The following KDM6A variants were observed in gnomAD, a reference collection of about 807,000 sequenced individuals.
The protein encoded by KDM6A is lysine demethylase 6A.
KDM6A carries 11 observed loss-of-function variants against 117.6 expected under a neutral mutation model. The ratio of observed to expected loss-of-function variants is 0.09; its 90% CI spans 0.06 to 0.15. The LOEUF is 0.15. Among genes scored for constraint, KDM6A ranks in the 10% least tolerant of loss-of-function variants. KDM6A has a pLI of 1.00. For synonymous variants in KDM6A, 384 were observed against 396.1 expected, an observed-to-expected ratio of 0.97 and a Z score of 0.36; for missense variants, 799 against 1,077.3, an observed-to-expected ratio of 0.74 and a Z score of 3.62.
intron 2 of KDM6A, among the ~76,000 whole-genome samples, chrX:44,941,099 CTG>C (rs1180780412): frequency 9.0e-6 from 1 of 111,484 alleles, no homozygotes; most frequent in East Asian, 2.8e-4. Context: ...AACTTTTTAA[CTG>C]TTTTATTGAG....
intron 2 of KDM6A, among the ~76,000 whole-genome samples, chrX:44,892,287 G>A (rs1173733520): frequency 8.9e-6 from 1 of 112,112 alleles, no homozygotes. Flanking sequence ...GGCCGGGTAC[G>A]GTGGCTCACG....
intron 2 of KDM6A, among the ~76,000 whole-genome samples, chrX:44,915,315 C>G (rs930706568): frequency 8.9e-6 from 1 of 112,180 alleles, no homozygotes; most frequent in African/African-American, 3.2e-5. Context: ...TGACATCCCT[C>G]TGTTCCAATG....
chrX:44,985,300 G>T (rs1335610260), intron 4 of KDM6A, among the ~76,000 whole-genome samples: 1 of 111,833 alleles, frequency 8.9e-6, no homozygotes, highest in African/African-American at 3.3e-5. Context: ...AGCTTAAGGA[G>T]ATTTTGGGCT....
intron 4 of KDM6A, among the ~76,000 whole-genome samples, chrX:44,992,811 G>A (rs1409134970): frequency 9.0e-6 from 1 of 110,738 alleles, no homozygotes; most frequent in Non-Finnish European, 1.9e-5. Context: ...CTTCCAAAGT[G>A]CTGGGATTAC....
chrX:44,925,400 T>C (rs762127359), intron 2 of KDM6A, among the ~76,000 whole-genome samples: 78 of 111,800 alleles, frequency 7.0e-4, no homozygotes, highest in Non-Finnish European at 1.2e-3. Flanking sequence ...TGCCTTGTAT[T>C]GTGTCTACTG....
At chrX:45,042,058 C>T (rs1203435940) in intron 8 of KDM6A, among the ~76,000 whole-genome samples, 3 of 109,819 alleles carry the variant, frequency 2.7e-5, no homozygotes, top group African/African-American at 6.7e-5. Context: ...GAGACCAGCC[C>T]GGTCAACACA....
intron 2 of KDM6A, among the ~76,000 whole-genome samples, chrX:44,947,280 G>C (rs184281863): frequency 9.0e-6 from 1 of 110,872 alleles, no homozygotes. Flanking sequence ...ATTTTGGCCT[G>C]TACTTTGGAT....
At chrX:45,084,463 G>C (rs2045562866) in intron 24 of KDM6A, among the ~76,000 whole-genome samples, 1 of 111,513 alleles carries the variant, frequency 9.0e-6, no homozygotes, top group Non-Finnish European at 1.9e-5. Context: ...TTTGCTACTT[G>C]ATGCAGCCAT....
At chrX:44,922,925 T>C (rs755956623) in intron 2 of KDM6A, among the ~76,000 whole-genome samples, 1 of 112,484 alleles carries the variant, frequency 8.9e-6, no homozygotes, top group Non-Finnish European at 1.9e-5. Flanking sequence ...TAAGTGAAGA[T>C]TAGCTAGTAA....
intron 4 of KDM6A, among the ~76,000 whole-genome samples, chrX:44,982,572 G>T (rs1218843835): frequency 8.9e-6 from 1 of 111,823 alleles, no homozygotes; most frequent in Non-Finnish European, 1.9e-5. Flanking sequence ...TTGTTGAAGA[G>T]ATTAATTCAC....
intron 2 of KDM6A, among the ~76,000 whole-genome samples, chrX:44,879,248 C>T (rs2032006650): frequency 8.9e-6 from 1 of 111,902 alleles, no homozygotes; most frequent in Admixed American, 9.5e-5. Context: ...CTTTGAAATT[C>T]ATTGTGATGC....
rs2046769386 is a variant in KDM6A, at chrX:45,111,554, C to G, written c.*143C>G. On this transcript the variant is annotated 3_prime_UTR_variant, in exon 30 of 30. Transcript: ENST00000611820. ...AACCTTCCAAGTGCGGAGTGTCAAC[C>G]AACTGGACGGGAGAGAGTACTGCTC... 3.7e-6 allele frequency: 2 copies of G among 535,881 alleles called. No individual in the cohort carries two copies. The highest frequency in any genetic ancestry group is 4.6e-5 in the African/African-American group (2 of 43,404). The allele number at this position is 535,881 out of a possible 1,213,427, so 44.2% of individuals were successfully genotyped here.
chrX:45,050,966 C>T (rs1000459329), intron 8 of KDM6A, among the ~76,000 whole-genome samples: 25 of 110,895 alleles, frequency 2.3e-4, no homozygotes, highest in Non-Finnish European at 4.7e-4. Flanking sequence ...TTTTTAACTA[C>T]TTTTGTACTT....
chrX:45,107,000 C>A, intron 27 of KDM6A: 1 of 178,778 alleles, frequency 5.6e-6, no homozygotes, highest in African/African-American at 3.1e-5. Flanking sequence ...AATAATGTGC[C>A]TTCCTGCCTT....
At chrX:45,013,288 A>C (rs921079035) in intron 5 of KDM6A, among the ~76,000 whole-genome samples, 2 of 111,610 alleles carry the variant, frequency 1.8e-5, no homozygotes, top group Non-Finnish European at 3.8e-5. Flanking sequence ...GTCATTGTTC[A>C]CTTGAGCACA....
intron 6 of KDM6A, 73 bp downstream of exon 6, chrX:45,020,803 T>G: frequency 9.1e-7 from 1 of 1,094,417 alleles, no homozygotes; most frequent in Non-Finnish European, 1.3e-6. Context: ...TCTTAAATAT[T>G]AGAGCATTGA....
Position 45,025,498 on chromosome X carries a change from T to C in KDM6A, c.564+4768T>C, listed in dbSNP as rs188202147. Among the ~76,000 whole-genome samples the C allele has an allele frequency of 3.0e-4, 34 of 111,622 alleles. No homozygotes were observed. The East Asian group carries it at 4.7e-3, about 16-fold the overall frequency. On this transcript the variant is annotated intron_variant, in intron 6 of 29. Transcript: ENST00000611820. Reference sequence around the variant, plus strand: ...CTTTTATTTCATTATCCTTTAATGATATTAATGACAGTTACTTATTTTCAG... The same window carrying C: ...CTTTTATTTCATTATCCTTTAATGACATTAATGACAGTTACTTATTTTCAG...
rs78749806 is a variant in KDM6A, at chrX:45,047,674, C to CTTTTTTTTTTTTTTTTTTTTTTTT, written c.655-4029_655-4006dup. Among the ~76,000 whole-genome samples the CTTTTTTTTTTTTTTTTTTTTTTTT allele has an allele frequency of 1.1e-3, 40 of 36,358 alleles. 15 individuals are homozygous for CTTTTTTTTTTTTTTTTTTTTTTTT. The highest frequency in any genetic ancestry group is 2.0e-3 in the South Asian group (1 of 506). The allele number at this position is 36,358 out of a possible 115,157, so 31.6% of individuals were successfully genotyped here. A position where few individuals can be genotyped will look rare whatever the true frequency, so the allele number is the denominator to read the frequency against. ...TCAAATATCTGCTTGCTTTTTTTTT[C>CTTTTTTTTTTTTTTTTTTTTTTTT]TTTTTTTTTTTTTTTTTTTTTTTTT... On this transcript the variant is annotated intron_variant, in intron 8 of 29. Coordinates refer to ENST00000611820, the MANE Select transcript of KDM6A (RefSeq NM_001291415.2).
At chrX:44,988,796 A>G (rs1038537997) in intron 4 of KDM6A, among the ~76,000 whole-genome samples, 2 of 110,655 alleles carry the variant, frequency 1.8e-5, no homozygotes, top group Non-Finnish European at 3.8e-5. Context: ...GTACCCGGTC[A>G]TGTGAGGTGT....
Sources: gnomAD v4.1 joint callset for allele counts (sites outside exome capture counted in the v4.1 genomes callset) on GRCh38, gnomAD v4.1.1 for gene constraint, MANE v1.5 for transcripts, NCBI Gene and HGNC (gene_info 2026-07-23, HGNC 2026-07-21) for gene names.